Variants in LRRC72 observed in about 807,000 individuals in gnomAD.
LRRC72 encodes the protein leucine-rich repeat-containing protein 72.
In LRRC72, 41 loss-of-function variants were observed where a neutral mutation model predicts 35.8. The ratio of observed to expected loss-of-function variants is 1.15; its 90% CI spans 0.89 to 1.49. The LOEUF is 1.49. LRRC72 is among the 40% of genes most tolerant of loss of function. The pLI is 0.00. For missense variants in LRRC72, 389 were observed against 330.7 expected, an observed-to-expected ratio of 1.18 and a Z score of -1.37; for synonymous variants, 118 against 119.2, an observed-to-expected ratio of 0.99 and a Z score of 0.07.
intron 3 of LRRC72, among the ~76,000 whole-genome samples, chr7:16,554,733 G>A (rs1029471658): frequency 6.6e-6 from 1 of 151,988 alleles, no homozygotes; most frequent in Non-Finnish European, 1.5e-5. Context: ...CACAAACACC[G>A]CAATCCTATA....
Position 16,567,506 on chromosome 7 carries a change from A to C in LRRC72, c.633A>C (p.Ser211=). The C allele has an allele frequency of 6.6e-7, 1 of 1,503,806 alleles. No homozygotes were observed. Among genetic ancestry groups the C allele is most frequent in the Non-Finnish European group, 8.9e-7 (1 of 1,123,630 alleles). 93.2% of individuals were successfully genotyped at this position (1,503,806 alleles called of 1,614,324 possible). Residue 211 remains serine, a synonymous_variant, in exon 7 of 9, where the codon TCA becomes TCC. Transcript: ENST00000401542. ...GKVDASWDPK[S]PFKQKPAQRV... ...TGGATGCTTCATGGGATCCTAAATC[A>C]CCATTTAAGCAAAAACCAGCCCAGA... is the stretch of plus-strand genomic sequence containing the variant.
chr7:16,540,646 G>A (rs1444774719), intron 3 of LRRC72, among the ~76,000 whole-genome samples: 1 of 152,104 alleles, frequency 6.6e-6, no homozygotes, highest in Admixed American at 6.5e-5. Flanking sequence ...GAACCTGGTG[G>A]GAGGTGATTG....
chr7:16,574,030 C>G (rs1282539280), intron 7 of LRRC72, among the ~76,000 whole-genome samples: 1 of 152,120 alleles, frequency 6.6e-6, no homozygotes, highest in African/African-American at 2.4e-5. Context: ...ATTTATGCAG[C>G]CAACAAACAT....
chr7:16,567,509 A>G lies in LRRC72; in HGVS notation c.636A>G (p.Pro212=). 1 of 1,491,994 alleles carries G rather than the reference A, an allele frequency of 6.7e-7. No individual in the cohort carries two copies. Among genetic ancestry groups the G allele is most frequent in the Middle Eastern group, 1.7e-4 (1 of 5,720 alleles). The allele number at this position is 1,491,994 out of a possible 1,614,324, so 92.4% of individuals were successfully genotyped here. The change falls in exon 7 of 9, where the codon CCA becomes CCG. Residue 212 remains proline (P), a synonymous_variant. Coordinates refer to ENST00000401542, the MANE Select transcript of LRRC72 (RefSeq NM_001195280.2). The part of the protein sequence containing the change: ...KVDASWDPKS[P]FKQKPAQRVP... ...ATGCTTCATGGGATCCTAAATCACC[A>G]TTTAAGCAAAAACCAGCCCAGAGAG... is the stretch of plus-strand genomic sequence containing the variant.
chr7:16,568,125 G>C (rs547982030), intron 7 of LRRC72, among the ~76,000 whole-genome samples: 1 of 152,108 alleles, frequency 6.6e-6, no homozygotes, highest in Admixed American at 6.6e-5. Context: ...AGACAGCAAA[G>C]AATAGAAAGA....
At chr7:16,536,063 G>A (rs1782252001) in intron 2 of LRRC72, among the ~76,000 whole-genome samples, 1 of 151,998 alleles carries the variant, frequency 6.6e-6, no homozygotes, top group Non-Finnish European at 1.5e-5. Context: ...AGTAGAGACG[G>A]GGTTTCACCA....
chr7:16,580,770 A>G (rs765493303), intron 8 of LRRC72, among the ~76,000 whole-genome samples: 11 of 152,232 alleles, frequency 7.2e-5, no homozygotes, highest in Admixed American at 1.3e-4. Flanking sequence ...TTAACATTTT[A>G]TATTCATTGG....
At position 16,558,981 on chromosome 7, in the gene LRRC72, C is replaced by A. The variant is rs1177758505; in HGVS notation, c.409C>A (p.Leu137Ile). The A allele has an allele frequency of 1.3e-6, 2 of 1,533,364 alleles. No individual in the cohort carries two copies. The highest frequency in any genetic ancestry group is 1.8e-6 in the Non-Finnish European group (2 of 1,135,874). 95.0% of individuals were successfully genotyped at this position (1,533,364 alleles called of 1,614,324 possible). A position where few individuals can be genotyped will look rare whatever the true frequency, so the allele number is the denominator to read the frequency against. The change falls in exon 5 of 9, where the codon CTA (leucine) becomes ATA (isoleucine). Residue 137 changes from leucine (L) to isoleucine (I), a missense_variant. Leu to Ile is a conservative substitution (Grantham distance 5, BLOSUM62 2). Transcript: ENST00000401542. ...DATVKELKGM[L>I]NLKILSLYQN... is the part of the protein sequence containing the mutation. ...AACAGTGAAGGAATTAAAGGGAATG[C>A]TAAATCTGAAGATCCTAAGTAACAA...
intron 7 of LRRC72, among the ~76,000 whole-genome samples, chr7:16,569,640 T>A (rs575660764): frequency 7.0e-4 from 106 of 152,266 alleles, no homozygotes; most frequent in African/African-American, 2.2e-3. Flanking sequence ...TGAATTTATT[T>A]GGGAGTAAGC....
At chr7:16,541,932 CACAG>C (rs566840309) in intron 3 of LRRC72, among the ~76,000 whole-genome samples, 264 of 148,540 alleles carry the variant, frequency 1.8e-3, no homozygotes, top group Middle Eastern at 0.014. Flanking sequence ...TACACGCACA[CACAG>C]ACAGACAGAC....
intron 3 of LRRC72, 109 bp from the exon 4 acceptor site, chr7:16,557,251 A>T (rs1782664663): frequency 3.6e-6 from 1 of 279,406 alleles, no homozygotes; most frequent in Non-Finnish European, 6.7e-6. Flanking sequence ...AACTTTTATT[A>T]TCTTATTATA....
chr7:16,566,313 G>C lies in LRRC72; in HGVS notation c.428G>C (p.Ser143Thr), dbSNP rs1177590000. 6.5e-6 allele frequency: 10 copies of C among 1,528,586 alleles called. No homozygotes were observed. The African/African-American group carries it at 1.2e-4, about 19-fold the overall frequency. The allele number at this position is 1,528,586 out of a possible 1,614,324, so 94.7% of individuals were successfully genotyped here. ...LKGMLNLKIL[S>T]LYQNPLCQYN... is the part of the protein sequence containing the mutation. ...TTTATTTTGGATTCTTCATTTGCAG[G>C]TCTATACCAAAATCCTTTGTGCCAA... Residue 143 changes from serine (S) to threonine (T), a missense_variant and splice_region_variant, in exon 6 of 9, where the codon AGT becomes ACT. By Grantham distance (58) the Ser-to-Thr change is moderately conservative. Transcript: ENST00000401542.
chr7:16,553,237 A>G (rs532684852), intron 3 of LRRC72, among the ~76,000 whole-genome samples: 4 of 152,290 alleles, frequency 2.6e-5, no homozygotes, highest in African/African-American at 7.2e-5. Flanking sequence ...TAACTTCTGG[A>G]TGGTTTAGAC....
chr7:16,581,208 A>G (rs1783135331), intron 8 of LRRC72, 116 bp from the exon 9 acceptor site: 3 of 885,132 alleles, frequency 3.4e-6, no homozygotes, highest in Non-Finnish European at 3.2e-6. Context: ...TAGTGGTACT[A>G]TACTACAAAT....
Position 16,544,431 on chromosome 7 carries a change from T to A in LRRC72, c.234+6735T>A, listed in dbSNP as rs533418002. ...TCATTAGTGCTGCATCTCCTCCTTTTTGAGATCATGTTTTCCTAACACCCG... is the reference window on the plus strand; with the variant it reads ...TCATTAGTGCTGCATCTCCTCCTTTATGAGATCATGTTTTCCTAACACCCG... On this transcript the variant is annotated intron_variant, in intron 3 of 8. Transcript: ENST00000401542. Among the ~76,000 whole-genome samples the A allele has an allele frequency of 2.6e-5, 4 of 152,310 alleles. No individual in the cohort carries two copies. In the South Asian group the frequency reaches 8.3e-4, roughly 32 times the overall value.
At chr7:16,555,066 A>C (rs929956630) in intron 3 of LRRC72, among the ~76,000 whole-genome samples, 2 of 152,180 alleles carry the variant, frequency 1.3e-5, no homozygotes, top group African/African-American at 2.4e-5. Flanking sequence ...TTCGAAAGTG[A>C]TAAGGAGCCA....
At chr7:16,575,718 T>C (rs142465806) in intron 7 of LRRC72, among the ~76,000 whole-genome samples, 2 of 152,220 alleles carry the variant, frequency 1.3e-5, no homozygotes, top group Non-Finnish European at 2.9e-5. Flanking sequence ...TTCCTTTTAC[T>C]TCATGTGAGA....
intron 3 of LRRC72, among the ~76,000 whole-genome samples, chr7:16,549,309 C>T (rs575721668): frequency 2.0e-5 from 3 of 152,060 alleles, no homozygotes; most frequent in Non-Finnish European, 2.9e-5. Context: ...ATGCTTTGGC[C>T]GATTTAAGCA....
intron 7 of LRRC72, among the ~76,000 whole-genome samples, chr7:16,568,940 G>A (rs563025407): frequency 1.3e-5 from 2 of 152,204 alleles, no homozygotes; most frequent in Admixed American, 6.5e-5. Flanking sequence ...AAGAATGAGC[G>A]AAAGGTAAAG....
Sources: gnomAD v4.1 joint callset for allele counts (sites outside exome capture counted in the v4.1 genomes callset) on GRCh38, gnomAD v4.1.1 for gene constraint, MANE v1.5 for transcripts, NCBI Gene and HGNC (gene_info 2026-07-23, HGNC 2026-07-21) for gene names.